Variants in PTPRD observed in about 807,000 individuals in gnomAD.
The protein encoded by PTPRD is receptor-type tyrosine-protein phosphatase delta.
In PTPRD, 34 loss-of-function variants were observed where a neutral mutation model predicts 214.5. That is an observed-to-expected ratio of 0.16 (90% CI 0.12 to 0.21). PTPRD has a LOEUF of 0.21. PTPRD is among the 10% of genes least tolerant of loss of function. The pLI is 1.00. For missense variants in PTPRD, 2,545 were observed against 2,398.7 expected (o/e 1.06, Z -1.27); for synonymous variants, 1,128 against 845.7 (o/e 1.33, Z -5.79).
At chr9:8,534,876 T>C (rs574937887) in intron 14 of PTPRD, among the ~76,000 whole-genome samples, 5 of 151,988 alleles carry the variant, frequency 3.3e-5, no homozygotes, top group African/African-American at 1.2e-4. Flanking sequence ...ACACCATATA[T>C]TGAAACAAGA....
chr9:9,332,480 C>T (rs1443506235), intron 9 of PTPRD, among the ~76,000 whole-genome samples: 1 of 151,352 alleles, frequency 6.6e-6, no homozygotes, highest in Non-Finnish European at 1.5e-5. Context: ...TATTATCACA[C>T]TGTACCAAAT....
rs1286163199 is a variant in PTPRD, at chr9:9,871,146, AC to A, written c.-368+67360del. ...GGTGTTATATGAAAACTTGAAGCCT[AC>A]AAAAATTAGAAAGAAAATAAAATAA... On this transcript the variant is annotated intron_variant, in intron 5 of 45. Coordinates refer to ENST00000381196, the MANE Select transcript of PTPRD (RefSeq NM_002839.4). 5.9e-5 allele frequency among the ~76,000 whole-genome samples: 9 copies of A among 152,316 alleles called. No individual in the cohort carries two copies. In the East Asian group the frequency reaches 1.7e-3, roughly 29 times the overall value.
chr9:8,897,736 G>A (rs2098631875), intron 11 of PTPRD, among the ~76,000 whole-genome samples: 1 of 152,162 alleles, frequency 6.6e-6, no homozygotes, highest in South Asian at 2.1e-4. Context: ...TTGGCAACCT[G>A]AGATATGGGG....
At chr9:9,295,871 T>C (rs1952826824) in intron 9 of PTPRD, among the ~76,000 whole-genome samples, 1 of 151,868 alleles carries the variant, frequency 6.6e-6, no homozygotes, top group African/African-American at 2.4e-5. Flanking sequence ...GCCCAGATTA[T>C]GGCCCCATTT....
chr9:10,231,601 T>C (rs948332430), intron 3 of PTPRD, among the ~76,000 whole-genome samples: 1 of 151,896 alleles, frequency 6.6e-6, no homozygotes, highest in Non-Finnish European at 1.5e-5. Flanking sequence ...AACCTGTGTG[T>C]TACTTCCTCT....
At chr9:9,636,581 T>C (rs966342130) in intron 7 of PTPRD, among the ~76,000 whole-genome samples, 1 of 152,194 alleles carries the variant, frequency 6.6e-6, no homozygotes, top group African/African-American at 2.4e-5. Context: ...ACCACATCTA[T>C]GATAGACACT....
intron 9 of PTPRD, among the ~76,000 whole-genome samples, chr9:9,387,808 C>T (rs116742500): frequency 0.046 from 7,020 of 152,172 alleles, 364 homozygotes; most frequent in East Asian, 0.22. Context: ...GGCTGTGGGG[C>T]TCCGACCCTA....
chr9:8,956,455 C>A (rs1242944032), intron 11 of PTPRD, among the ~76,000 whole-genome samples: 1 of 151,540 alleles, frequency 6.6e-6, no homozygotes. Flanking sequence ...TTCTTTCTTT[C>A]TTTCTTTTTT....
intron 9 of PTPRD, among the ~76,000 whole-genome samples, chr9:9,351,140 G>A (rs1032423071): frequency 1.3e-5 from 2 of 151,936 alleles, no homozygotes; most frequent in South Asian, 2.1e-4. Flanking sequence ...TCCCACCACC[G>A]AGCTTTTCTT....
At chr9:9,466,585 T>G (rs1430403452) in intron 8 of PTPRD, among the ~76,000 whole-genome samples, 1 of 152,184 alleles carries the variant, frequency 6.6e-6, no homozygotes, top group Admixed American at 6.5e-5. Flanking sequence ...ATACTTACTT[T>G]TCACATGAAT....
At chr9:8,957,144 ACT>A (rs1406047783) in intron 11 of PTPRD, among the ~76,000 whole-genome samples, 1 of 151,656 alleles carries the variant, frequency 6.6e-6, no homozygotes, top group African/African-American at 2.4e-5. Context: ...ATGAATCTTG[ACT>A]CTCTCCTGGC....
At chr9:9,356,885 G>A in intron 9 of PTPRD, among the ~76,000 whole-genome samples, 1 of 151,334 alleles carries the variant, frequency 6.6e-6, no homozygotes, top group East Asian at 1.9e-4. Context: ...AAGATATAAA[G>A]CTGGCAACTT....
chr9:10,224,514 T>C (rs1240164835), intron 3 of PTPRD, among the ~76,000 whole-genome samples: 5 of 152,092 alleles, frequency 3.3e-5, no homozygotes, highest in African/African-American at 9.7e-5. Context: ...AATTATCGTA[T>C]GATTTTTCTC....
intron 10 of PTPRD, among the ~76,000 whole-genome samples, chr9:9,103,221 T>C (rs1250561820): frequency 6.6e-6 from 1 of 152,184 alleles, no homozygotes; most frequent in Non-Finnish European, 1.5e-5. Flanking sequence ...AATGTCTTAC[T>C]TCCAGACACA....
At chr9:8,945,066 A>G (rs1027379878) in intron 11 of PTPRD, among the ~76,000 whole-genome samples, 1 of 152,096 alleles carries the variant, frequency 6.6e-6, no homozygotes, top group African/African-American at 2.4e-5. Context: ...AAATTTTTTA[A>G]AAAGAAAATT....
chr9:9,234,382 C>T (rs1270584856), intron 9 of PTPRD, among the ~76,000 whole-genome samples: 2 of 152,102 alleles, frequency 1.3e-5, no homozygotes, highest in Non-Finnish European at 2.9e-5. Context: ...ATTTTTTCCT[C>T]CTAGGCTTCC....
At chr9:10,392,108 T>G (rs2098079494) in intron 2 of PTPRD, among the ~76,000 whole-genome samples, 1 of 151,914 alleles carries the variant, frequency 6.6e-6, no homozygotes, top group African/African-American at 2.4e-5. Flanking sequence ...CTATTTATTG[T>G]TTGTCTCTTC....
At position 9,623,571 on chromosome 9, in the gene PTPRD, C is replaced by A. The variant is rs141182582; in HGVS notation, c.-286-48790G>T. On this transcript the variant is annotated intron_variant, in intron 7 of 45. Coordinates refer to ENST00000381196, the MANE Select transcript of PTPRD (RefSeq NM_002839.4). ...CTAGTAACACCTTTGATTATTGATT[C>A]ATTTCTTACTAAAGACCCAGCACAG... Among the ~76,000 whole-genome samples the A allele has an allele frequency of 2.7e-3, 412 of 152,198 alleles. 1 individual carries two copies. Among genetic ancestry groups the A allele is most frequent in the African/African-American group, 9.5e-3 (394 of 41,516 alleles).
chr9:9,036,021 G>C (rs2099620598), intron 10 of PTPRD, among the ~76,000 whole-genome samples: 1 of 152,016 alleles, frequency 6.6e-6, no homozygotes, highest in Admixed American at 6.6e-5. Flanking sequence ...CAACTAATGT[G>C]CCTACCTCTT....
Sources: allele counts gnomAD v4.1 joint callset (sites outside exome capture counted in the v4.1 genomes callset), GRCh38; gene constraint gnomAD v4.1.1; transcripts MANE v1.5; gene names NCBI Gene and HGNC (gene_info 2026-07-23, HGNC 2026-07-21).